The following AGBL1 variants were observed in gnomAD, a reference collection of about 807,000 sequenced individuals.
The protein encoded by AGBL1 is cytosolic carboxypeptidase 4.
A neutral mutation model predicts 118.9 loss-of-function variants in AGBL1; 130 were observed. The ratio of observed to expected loss-of-function variants is 1.09; its 90% CI spans 0.95 to 1.26. AGBL1 has a LOEUF of 1.26. Ranked by LOEUF, AGBL1 falls within the 50% of genes most tolerant of loss-of-function variation. AGBL1 has a pLI of 0.00. For synonymous variants in AGBL1, 555 were observed against 478.9 expected, an observed-to-expected ratio of 1.16 and a Z score of -2.08; for missense variants, 1,584 against 1,298.1, an observed-to-expected ratio of 1.22 and a Z score of -3.38.
chr15:86,563,043 T>C (rs1429424583), intron 21 of AGBL1, among the ~76,000 whole-genome samples: 1 of 152,216 alleles, frequency 6.6e-6, no homozygotes, highest in East Asian at 1.9e-4. Context: ...TTTTTTTCTT[T>C]ATTAGTCTTG....
chr15:86,742,468 C>G (rs2077694094), intron 22 of AGBL1, among the ~76,000 whole-genome samples: 1 of 152,128 alleles, frequency 6.6e-6, no homozygotes, highest in Non-Finnish European at 1.5e-5. Context: ...ACCAATGAGG[C>G]TTTCTTTAGC....
At chr15:86,689,792 C>T (rs2086131238) in intron 22 of AGBL1, among the ~76,000 whole-genome samples, 1 of 151,990 alleles carries the variant, frequency 6.6e-6, no homozygotes, top group African/African-American at 2.4e-5. Context: ...TTAAAAAAAT[C>T]TTTACAGATT....
At chr15:86,496,481 A>G (rs1177319216) in intron 18 of AGBL1, among the ~76,000 whole-genome samples, 1 of 152,058 alleles carries the variant, frequency 6.6e-6, no homozygotes, top group Non-Finnish European at 1.5e-5. Context: ...AAAAGATCCA[A>G]TATATAGTAG....
intron 24 of AGBL1, among the ~76,000 whole-genome samples, chr15:86,992,286 C>T (rs1307366308): frequency 2.0e-5 from 3 of 152,116 alleles, no homozygotes; most frequent in East Asian, 1.9e-4. Flanking sequence ...ATGACAAAAA[C>T]GCCTCCCACC....
At chr15:86,268,808 T>G (rs2142046914) in intron 13 of AGBL1, among the ~76,000 whole-genome samples, 1 of 152,254 alleles carries the variant, frequency 6.6e-6, no homozygotes, top group East Asian at 1.9e-4. Context: ...TCTACTCTGC[T>G]CTCATCTGTC....
chr15:86,374,810 T>C (rs1407846218), intron 17 of AGBL1, among the ~76,000 whole-genome samples: 1 of 152,230 alleles, frequency 6.6e-6, no homozygotes. Context: ...ACCCAGCCTT[T>C]AGGACGTTTT....
At chr15:86,188,036 C>T (rs866899700) in intron 5 of AGBL1, among the ~76,000 whole-genome samples, 4 of 152,124 alleles carry the variant, frequency 2.6e-5, no homozygotes, top group African/African-American at 7.2e-5. Context: ...AAAGTTTTTT[C>T]GTCTCTCAAA....
At chr15:86,196,966 G>A (rs372859953) in intron 5 of AGBL1, among the ~76,000 whole-genome samples, 5 of 149,390 alleles carry the variant, frequency 3.3e-5, no homozygotes, top group East Asian at 4.0e-4. Context: ...GCAGCTAAAC[G>A]CAAGCCAGGA....
intron 22 of AGBL1, among the ~76,000 whole-genome samples, chr15:86,814,863 C>A (rs2078837954): frequency 6.6e-6 from 1 of 152,124 alleles, no homozygotes; most frequent in South Asian, 2.1e-4. Context: ...TTAAAAATAC[C>A]TACTATGTTC....
At chr15:86,104,784 G>C (rs1028802261) in intron 1 of AGBL1, among the ~76,000 whole-genome samples, 1 of 152,198 alleles carries the variant, frequency 6.6e-6, no homozygotes, top group African/African-American at 2.4e-5. Flanking sequence ...TAGCTTCTTA[G>C]GACTTGTGGG....
At chr15:86,246,291 A>C (rs1279883007) in intron 6 of AGBL1, among the ~76,000 whole-genome samples, 2 of 152,048 alleles carry the variant, frequency 1.3e-5, no homozygotes, top group African/African-American at 4.8e-5. Context: ...GCACAGCAAA[A>C]CCCGTGAAGT....
intron 22 of AGBL1, among the ~76,000 whole-genome samples, chr15:86,889,296 C>T (rs2080016550): frequency 7.6e-6 from 1 of 130,772 alleles, no homozygotes; most frequent in Non-Finnish European, 1.5e-5. Flanking sequence ...AAACTGAAAT[C>T]TAAGTGCTTT....
chr15:86,183,942 G>A (rs2077587768), intron 5 of AGBL1, among the ~76,000 whole-genome samples: 1 of 152,146 alleles, frequency 6.6e-6, no homozygotes, highest in African/African-American at 2.4e-5. Context: ...GATCCAGATG[G>A]CAGCCACCCA....
At chr15:86,391,006 C>G (rs953446122) in intron 17 of AGBL1, among the ~76,000 whole-genome samples, 1 of 144,360 alleles carries the variant, frequency 6.9e-6, no homozygotes, top group Non-Finnish European at 1.5e-5. Flanking sequence ...GAAAACGAAG[C>G]ACTATGGTGA....
chr15:86,083,003 C>T (rs1441110883), intron 1 of AGBL1, among the ~76,000 whole-genome samples: 2 of 152,188 alleles, frequency 1.3e-5, no homozygotes, highest in African/African-American at 2.4e-5. Context: ...CTTAAAAATA[C>T]GTTCCTTAGC....
intron 20 of AGBL1, among the ~76,000 whole-genome samples, chr15:86,546,421 A>G (rs939530690): frequency 1.6e-4 from 25 of 152,094 alleles, no homozygotes; most frequent in African/African-American, 5.6e-4. Flanking sequence ...TCATCTTAAT[A>G]CCTGGCTTTA....
At chr15:86,661,140 T>C (rs1418983394) in intron 21 of AGBL1, among the ~76,000 whole-genome samples, 3 of 152,192 alleles carry the variant, frequency 2.0e-5, no homozygotes, top group African/African-American at 7.2e-5. Flanking sequence ...AGAGAAGCTA[T>C]TCTTCCTTCA....
At chr15:86,982,388 C>CTTCTT (rs1205101120) in intron 23 of AGBL1, among the ~76,000 whole-genome samples, 8 of 132,858 alleles carry the variant, frequency 6.0e-5, no homozygotes, top group Non-Finnish European at 1.2e-4. Flanking sequence ...GTGGTACATT[C>CTTCTT]TTATTTTCTT....
chr15:86,543,287 A>G (rs1317383796), intron 19 of AGBL1, among the ~76,000 whole-genome samples: 1 of 152,246 alleles, frequency 6.6e-6, no homozygotes, highest in South Asian at 2.1e-4. Context: ...ACCTTATGAC[A>G]GTATATAACC....
Sources: allele counts gnomAD v4.1 joint callset (sites outside exome capture counted in the v4.1 genomes callset), GRCh38; gene constraint gnomAD v4.1.1; transcripts MANE v1.5; gene names NCBI Gene and HGNC (gene_info 2026-07-23, HGNC 2026-07-21).